Variants in UBXN4 observed in about 807,000 individuals in gnomAD.
UBXN4 encodes the protein UBX domain-containing protein 4.
UBXN4 carries 35 observed loss-of-function variants against 66.2 expected under a neutral mutation model. The observed-to-expected ratio is 0.53, with a 90% CI of 0.40 to 0.70. The LOEUF is 0.70. UBXN4 is among the 30% of genes least tolerant of loss of function. The pLI is 0.00. For missense variants in UBXN4, 533 were observed against 599.8 expected (o/e 0.89, Z 1.16); for synonymous variants, 203 against 204.5 (o/e 0.99, Z 0.06).
In UBXN4 at chr2:135,782,936, A is replaced by C. The variant is rs1315557345; in HGVS notation, c.*49A>C. The C allele has an allele frequency of 6.4e-7, 1 of 1,558,240 alleles. No individual in the cohort carries two copies. The highest frequency in any genetic ancestry group is 8.7e-7 in the Non-Finnish European group (1 of 1,150,060). On this transcript the variant is annotated 3_prime_UTR_variant, in exon 13 of 13. Coordinates refer to ENST00000272638, the MANE Select transcript of UBXN4 (RefSeq NM_014607.4). ...TAATCATTGTTTCTCTTATGATTTA[A>C]TTCAACTAAAATTCTACTGGAGAAG...
At position 135,782,875 on chromosome 2, in the gene UBXN4, T is replaced by C; in HGVS notation, c.1515T>C (p.Thr505=). 1 of 1,613,486 alleles carries C rather than the reference T, an allele frequency of 6.2e-7. No homozygotes were observed. The highest frequency in any genetic ancestry group is 8.5e-7 in the Non-Finnish European group (1 of 1,179,636). The part of the protein sequence containing the change: ...DENNTWNGNS[T]QQM ...ACAACACTTGGAATGGAAATTCCAC[T>C]CAACAGATGTAGTGTGACAAGTATA... The change falls in exon 13 of 13, where the codon ACT becomes ACC. Residue 505 remains threonine (T), a synonymous_variant. Coordinates refer to ENST00000272638, the MANE Select transcript of UBXN4 (RefSeq NM_014607.4).
chr2:135,762,090 A>G (rs996283155), intron 6 of UBXN4, among the ~76,000 whole-genome samples, 179 bp downstream of exon 6: 14 of 152,228 alleles, frequency 9.2e-5, no homozygotes, highest in Admixed American at 3.3e-4. Flanking sequence ...TAAAGTTTTC[A>G]TGTATGTCTG....
At chr2:135,782,609 T>C in intron 12 of UBXN4, 140 bp from the exon 13 acceptor site, 2 of 938,876 alleles carry the variant, frequency 2.1e-6, no homozygotes, top group Non-Finnish European at 3.2e-6. Context: ...GATATAATGG[T>C]CTCCCATGGA....
chr2:135,760,863 T>C (rs1162898062), intron 5 of UBXN4, among the ~76,000 whole-genome samples: 1 of 152,198 alleles, frequency 6.6e-6, no homozygotes, highest in East Asian at 1.9e-4. Flanking sequence ...ACTCCCACTT[T>C]GTTGATTTCA....
chr2:135,756,098 A>AT (rs1294160541), intron 5 of UBXN4, among the ~76,000 whole-genome samples: 4 of 151,930 alleles, frequency 2.6e-5, no homozygotes, highest in Non-Finnish European at 2.9e-5. Context: ...TGTTATATAT[A>AT]TTTTTTTTGA....
chr2:135,760,925 C>G (rs527995347), intron 5 of UBXN4, among the ~76,000 whole-genome samples: 1 of 152,212 alleles, frequency 6.6e-6, no homozygotes, highest in Non-Finnish European at 1.5e-5. Context: ...TATGCACCAT[C>G]GTCTCTACTT....
Position 135,771,533 on chromosome 2 carries a change from G to T in UBXN4, c.822+798G>T, listed in dbSNP as rs181044494. Among the ~76,000 whole-genome samples the T allele has an allele frequency of 2.0e-5, 3 of 152,150 alleles. No homozygotes were observed. In the East Asian group the frequency reaches 5.8e-4, roughly 29 times the overall value. ...CCTACCTTAATATTTTTGTTCATTT[G>T]GTCAGTCAACAAGTATTTGTTGAGC... On this transcript the variant is annotated intron_variant, in intron 8 of 12. Transcript: ENST00000272638.
intron 2 of UBXN4, among the ~76,000 whole-genome samples, chr2:135,752,374 G>T (rs185652520): frequency 1.3e-5 from 2 of 152,056 alleles, no homozygotes; most frequent in Admixed American, 6.5e-5. Context: ...TAGAGACAGG[G>T]TTTCGCCATG....
intron 9 of UBXN4, among the ~76,000 whole-genome samples, chr2:135,772,752 C>T (rs1029823904): frequency 6.6e-6 from 1 of 151,984 alleles, no homozygotes; most frequent in Non-Finnish European, 1.5e-5. Flanking sequence ...AAAAGAGGGC[C>T]CAATAGCCGG....
chr2:135,775,822 G>A (rs562012919), intron 9 of UBXN4, among the ~76,000 whole-genome samples: 9 of 152,076 alleles, frequency 5.9e-5, no homozygotes, highest in Admixed American at 2.6e-4. Context: ...GCTGGAGTGC[G>A]GTGGCATGAT....
chr2:135,750,887 G>C (rs953371875), intron 2 of UBXN4, among the ~76,000 whole-genome samples: 1 of 121,616 alleles, frequency 8.2e-6, no homozygotes, highest in Non-Finnish European at 1.6e-5. Flanking sequence ...ACGGAGTCTT[G>C]CTCTGTCGCC....
intron 2 of UBXN4, among the ~76,000 whole-genome samples, chr2:135,752,708 G>T (rs2077251503): frequency 6.6e-6 from 1 of 152,126 alleles, no homozygotes; most frequent in Admixed American, 6.5e-5. Flanking sequence ...CTAGCTTGTG[G>T]GTTGTAAGAG....
intron 2 of UBXN4, among the ~76,000 whole-genome samples, chr2:135,751,380 G>A (rs995551233): frequency 6.9e-6 from 1 of 145,612 alleles, no homozygotes; most frequent in African/African-American, 2.6e-5. Flanking sequence ...AGTAGAGATG[G>A]GGTTTCACAG....
chr2:135,750,705 A>G (rs1053847036), intron 2 of UBXN4, among the ~76,000 whole-genome samples: 1 of 148,428 alleles, frequency 6.7e-6, no homozygotes, highest in Non-Finnish European at 1.5e-5. Context: ...TTTTTTTTTT[A>G]TTGTTCATCA....
intron 7 of UBXN4, among the ~76,000 whole-genome samples, chr2:135,770,148 A>G (rs1278392245): frequency 6.6e-6 from 1 of 152,194 alleles, no homozygotes; most frequent in African/African-American, 2.4e-5. Context: ...AAATGTATAG[A>G]CATTTTGCTG....
intron 9 of UBXN4, among the ~76,000 whole-genome samples, chr2:135,774,423 T>C (rs759428409): frequency 2.6e-5 from 4 of 152,194 alleles, no homozygotes; most frequent in Admixed American, 6.5e-5. Flanking sequence ...GAGGAATATA[T>C]TTTTGTGATC....
chr2:135,762,584 G>A (rs1439154075), intron 6 of UBXN4, among the ~76,000 whole-genome samples: 6 of 152,060 alleles, frequency 3.9e-5, no homozygotes, highest in South Asian at 2.1e-4. Context: ...TAGATGCTTC[G>A]GGGAAACAGG....
chr2:135,749,654 A>G (rs886996990), intron 2 of UBXN4, among the ~76,000 whole-genome samples: 1 of 152,202 alleles, frequency 6.6e-6, no homozygotes, highest in African/African-American at 2.4e-5. Flanking sequence ...TTTTTTAAGC[A>G]TAACTATAAT....
chr2:135,782,647 G>GT (rs2077457195), intron 12 of UBXN4, 102 bp from the exon 13 acceptor site: 1 of 1,414,216 alleles, frequency 7.1e-7, no homozygotes, highest in Non-Finnish European at 9.6e-7. Context: ...GGCATTAAAA[G>GT]TAAAACTTAG....
Sources: gnomAD v4.1 joint callset for allele counts (sites outside exome capture counted in the v4.1 genomes callset) on GRCh38, gnomAD v4.1.1 for gene constraint, MANE v1.5 for transcripts, NCBI Gene and HGNC (gene_info 2026-07-23, HGNC 2026-07-21) for gene names.